TRPC6: variants seen among roughly 807,000 people sequenced by gnomAD.
The protein encoded by TRPC6 is short transient receptor potential channel 6.
TRPC6 carries 55 observed loss-of-function variants against 90.7 expected under a neutral mutation model. The observed-to-expected ratio is 0.61, with a 90% CI of 0.49 to 0.76. TRPC6 has a LOEUF of 0.76. Ranked by LOEUF, TRPC6 falls within the 30% of genes least tolerant of loss-of-function variation. The pLI, the probability that TRPC6 is intolerant of heterozygous loss-of-function variation, is 0.00. For missense variants in TRPC6, 989 were observed against 1,122.7 expected (o/e 0.88, Z 1.70); for synonymous variants, 393 against 393.0 (o/e 1.00, Z 0.00).
chr11:101,484,829 A>T (rs1354003714), intron 4 of TRPC6, among the ~76,000 whole-genome samples: 1 of 152,006 alleles, frequency 6.6e-6, no homozygotes, highest in Non-Finnish European at 1.5e-5. Context: ...TGCTATGTAA[A>T]TTTTTGTTAT....
chr11:101,505,463 G>C (rs1028521639), intron 1 of TRPC6, among the ~76,000 whole-genome samples: 1 of 152,172 alleles, frequency 6.6e-6, no homozygotes, highest in Non-Finnish European at 1.5e-5. Flanking sequence ...GTAGAAGTCA[G>C]GTGAGAGTGT....
Position 101,452,433 on chromosome 11 carries a change from C to T in TRPC6, c.*522G>A, listed in dbSNP as rs199848259. ...TTGTATGAACGGTATCAATCATGTG[C>T]ATTGAGGGATAAGTAGGGTAAATGG... On this transcript the variant is annotated 3_prime_UTR_variant, in exon 13 of 13. Transcript: ENST00000344327. 1.9e-5 allele frequency: 3 copies of T among 157,662 alleles called. No individual in the cohort carries two copies. The highest frequency in any genetic ancestry group is 1.8e-4 in the Admixed American group (3 of 16,572). The allele number at this position is 157,662 out of a possible 1,614,324, so 9.8% of individuals were successfully genotyped here.
chr11:101,543,143 G>A lies in TRPC6; in HGVS notation c.171-38345C>T, dbSNP rs184358793. On this transcript the variant is annotated intron_variant, in intron 1 of 12. Transcript: ENST00000344327. ...AACATACATATGTGAATGTCCTTAA[G>A]TATGTGAAAAGGTGCTCAACATAAT... Among the ~76,000 whole-genome samples, 5 of 152,180 alleles carry A rather than the reference G, an allele frequency of 3.3e-5. No individual in the cohort carries two copies. The East Asian group carries it at 9.7e-4, about 29-fold the overall frequency.
intron 3 of TRPC6, among the ~76,000 whole-genome samples, 174 bp from the exon 4 acceptor site, chr11:101,489,275 T>C (rs1160692010): frequency 6.6e-6 from 1 of 152,242 alleles, no homozygotes; most frequent in Non-Finnish European, 1.5e-5. Flanking sequence ...AGTTCTAATA[T>C]GTTTTACATA....
Position 101,504,527 on chromosome 11 carries a change from T to G in TRPC6, c.442A>C (p.Ile148Leu). 6.2e-7 allele frequency: 1 copy of G among 1,614,140 alleles called. No individual in the cohort carries two copies. The highest frequency in any genetic ancestry group is 8.5e-7 in the Non-Finnish European group (1 of 1,179,998). The change falls in exon 2 of 13, where the codon ATT (isoleucine) becomes CTT (leucine). Residue 148 changes from isoleucine (I) to leucine (L), a missense_variant. Around this residue, in one of 4 missense-constraint regions of TRPC6, gnomAD observed 486 missense variants for 591.9 expected, o/e 0.82. Coordinates refer to ENST00000344327, the MANE Select transcript of TRPC6 (RefSeq NM_004621.6). ...QLAVANEHLE[I>L]TELLLKKENL... ...TCTTTCTTGAGAAGAAGTTCTGTAA[T>G]TTCCAGATGCTCATTGGCCACTGCC...
chr11:101,521,673 A>G (rs1002477746), intron 1 of TRPC6, among the ~76,000 whole-genome samples: 2 of 152,320 alleles, frequency 1.3e-5, no homozygotes, highest in African/African-American at 4.8e-5. Context: ...GGCACTCAAC[A>G]CCAGCCCTTG....
intron 1 of TRPC6, among the ~76,000 whole-genome samples, chr11:101,548,499 T>A (rs1202429791): frequency 7.0e-6 from 1 of 143,268 alleles, no homozygotes; most frequent in Admixed American, 7.3e-5. Context: ...TCTCTGTCTC[T>A]CACAGATGAG....
intron 2 of TRPC6, among the ~76,000 whole-genome samples, chr11:101,497,442 T>C (rs10791479): frequency 0.47 from 71,373 of 152,022 alleles, 17,253 homozygotes; most frequent in African/African-American, 0.58. Flanking sequence ...ATAGTTATCT[T>C]TGAAACAATG....
intron 1 of TRPC6, among the ~76,000 whole-genome samples, chr11:101,534,147 T>C (rs1315079395): frequency 2.0e-5 from 3 of 151,986 alleles, no homozygotes; most frequent in African/African-American, 7.3e-5. Flanking sequence ...CTCTCTTCTC[T>C]CTCTTTCTGA....
At chr11:101,543,085 A>G (rs1861214427) in intron 1 of TRPC6, among the ~76,000 whole-genome samples, 1 of 152,162 alleles carries the variant, frequency 6.6e-6, no homozygotes, top group African/African-American at 2.4e-5. Context: ...CTCAATTAAG[A>G]CAAACAGCCC....
chr11:101,490,114 G>T (rs1278006618), intron 3 of TRPC6, among the ~76,000 whole-genome samples: 4 of 152,054 alleles, frequency 2.6e-5, no homozygotes, highest in Non-Finnish European at 5.9e-5. Context: ...AGTCATGCAA[G>T]TAAGCAAGCT....
intron 4 of TRPC6, among the ~76,000 whole-genome samples, chr11:101,484,593 CTATGTGTG>C (rs1264315552): frequency 2.3e-5 from 2 of 87,286 alleles, no homozygotes; most frequent in Non-Finnish European, 4.8e-5. Context: ...CTCTCTCATG[CTATGTGTG>C]TGTGTGTGTG....
intron 10 of TRPC6, among the ~76,000 whole-genome samples, chr11:101,457,420 G>T (rs990109356): frequency 6.6e-6 from 1 of 152,028 alleles, no homozygotes; most frequent in African/African-American, 2.4e-5. Flanking sequence ...CTAATAACTT[G>T]TTTCTAATTC....
Position 101,504,328 on chromosome 11 carries a change from G to C in TRPC6, c.641C>G (p.Thr214Arg). 6.2e-7 allele frequency: 1 copy of C among 1,614,006 alleles called. No individual in the cohort carries two copies. Among genetic ancestry groups the C allele is most frequent in the Non-Finnish European group, 8.5e-7 (1 of 1,179,926 alleles). The change falls in exon 2 of 13, where the codon ACA (threonine) becomes AGA (arginine). Residue 214 changes from threonine (T) to arginine (R), a missense_variant. Around this residue, in one of 4 missense-constraint regions of TRPC6, gnomAD observed 486 missense variants for 591.9 expected, o/e 0.82. Coordinates refer to ENST00000344327, the MANE Select transcript of TRPC6 (RefSeq NM_004621.6). Reference sequence around the variant, plus strand: ...TGGAGTCACATCATGGGAGAACCGTGTCCCATCTTCATCATAGGCATAAAA... The same window carrying C: ...TGGAGTCACATCATGGGAGAACCGTCTCCCATCTTCATCATAGGCATAAAA... ...DDFYAYDEDGTRFSHDVTPII... is the reference protein window; with the variant it reads ...DDFYAYDEDGRRFSHDVTPII...
chr11:101,472,141 A>G lies in TRPC6; in HGVS notation c.2201T>C (p.Ile734Thr). The G allele has an allele frequency of 1.2e-6, 2 of 1,611,162 alleles. No homozygotes were observed. The highest frequency in any genetic ancestry group is 1.7e-6 in the Non-Finnish European group (2 of 1,179,186). Residue 734 changes from isoleucine (I) to threonine (T), a missense_variant, in exon 8 of 13, where the codon ATT becomes ACT. By Grantham distance (89) the Ile-to-Thr change is moderately conservative. Transcript: ENST00000344327. ...AAAAATGTATTGAGATTATACCTCA[A>G]TTTCCTGGAATGAACTGTTGATCAT... is the stretch of plus-strand genomic sequence containing the variant. ...IAMINSSFQE[I>T]EDDADVEWKF...
chr11:101,554,909 TC>T (rs1194093852), intron 1 of TRPC6, among the ~76,000 whole-genome samples: 14 of 152,112 alleles, frequency 9.2e-5, no homozygotes, highest in African/African-American at 3.4e-4. Context: ...TCCCTCTCTG[TC>T]CTCTCTAAGT....
chr11:101,462,226 T>C (rs1859021184), intron 10 of TRPC6, among the ~76,000 whole-genome samples: 1 of 152,218 alleles, frequency 6.6e-6, no homozygotes, highest in African/African-American at 2.4e-5. Flanking sequence ...CCTTGTAGTA[T>C]AGTTTGAAGT....
chr11:101,480,502 T>C (rs1403928907), intron 5 of TRPC6, among the ~76,000 whole-genome samples: 1 of 152,044 alleles, frequency 6.6e-6, no homozygotes, highest in African/African-American at 2.4e-5. Flanking sequence ...AAATATAATA[T>C]GTTCATTTTA....
At chr11:101,456,372 T>C (rs1218742070) in intron 10 of TRPC6, among the ~76,000 whole-genome samples, 1 of 152,166 alleles carries the variant, frequency 6.6e-6, no homozygotes, top group Non-Finnish European at 1.5e-5. Flanking sequence ...ACATCTTAAA[T>C]AATATAATGG....
Sources: gnomAD v4.1 joint callset for allele counts (sites outside exome capture counted in the v4.1 genomes callset) on GRCh38, gnomAD v4.1.1 for gene constraint, gnomAD v4.1.1 regional missense constraint, MANE v1.5 for transcripts, NCBI Gene and HGNC (gene_info 2026-07-23, HGNC 2026-07-21) for gene names.